The following CHFR variants were observed in gnomAD, a reference collection of about 807,000 sequenced individuals.
CHFR encodes checkpoint with forkhead and ring finger domains.
A neutral mutation model predicts 87.6 loss-of-function variants in CHFR; 57 were observed. The ratio of observed to expected loss-of-function variants is 0.65; its 90% CI spans 0.53 to 0.81. The LOEUF (loss-of-function observed/expected upper bound fraction) is 0.81, where lower values mean the gene tolerates loss of function less well. CHFR is among the 30% of genes least tolerant of loss of function. The pLI is 0.00. For missense variants in CHFR, 797 were observed against 865.8 expected (o/e 0.92, Z 1.00); for synonymous variants, 381 against 359.2 (o/e 1.06, Z -0.69).
rs775769340 is a variant in CHFR, at chr12:132,844,057, G to A, written c.1813C>T (p.Arg605Trp). 1.5e-5 allele frequency: 24 copies of A among 1,613,438 alleles called. No homozygotes were observed. The highest frequency in any genetic ancestry group is 1.6e-4 in the Middle Eastern group (1 of 6,082). The change falls in exon 16 of 18, where the codon CGG (arginine) becomes TGG (tryptophan). Residue 605 changes from arginine (R) to tryptophan (W), a missense_variant. Physicochemically the swap from Arg to Trp is moderately radical, Grantham distance 101. Around this residue, in one of 2 missense-constraint regions of CHFR, gnomAD observed 200 missense variants for 264.6 expected, o/e 0.76. Transcript: ENST00000450056. ...RSFRELTYQY[R>W]QNIPASELPV... ...AACTCGGAAGCAGGAATGTTCTGCCGATACTGATAGGTCAGCTCACGGAAG... is the reference window on the plus strand; with the variant it reads ...AACTCGGAAGCAGGAATGTTCTGCCAATACTGATAGGTCAGCTCACGGAAG...
intron 6 of CHFR, chr12:132,866,594 A>G (rs1487566148): frequency 1.2e-5 from 1 of 83,564 alleles, no homozygotes; most frequent in African/African-American, 3.9e-5. Context: ...ACACACCAGA[A>G]AGTTACAACA....
intron 7 of CHFR, among the ~76,000 whole-genome samples, chr12:132,859,592 C>T (rs984772944): frequency 6.6e-6 from 1 of 152,122 alleles, no homozygotes; most frequent in African/African-American, 2.4e-5. Context: ...CCTCGTGATC[C>T]ACCCGCCTCG....
Position 132,834,018 on chromosome 12 carries a change from G to C in CHFR, c.*7536C>G, listed in dbSNP as rs1281256416. On this transcript the variant is annotated 3_prime_UTR_variant, in exon 18 of 18. Transcript: ENST00000450056. ...CAGTGAGGTGAGGGGGCAACAATCAGAGCCACAAGAAGCCCCTGAAGAGAA... is the reference window on the plus strand; with the variant it reads ...CAGTGAGGTGAGGGGGCAACAATCACAGCCACAAGAAGCCCCTGAAGAGAA... The C allele has an allele frequency of 6.6e-6, 1 of 152,372 alleles. No homozygotes were observed. Among genetic ancestry groups the C allele is most frequent in the Non-Finnish European group, 1.5e-5 (1 of 68,204 alleles). 9.4% of individuals were successfully genotyped at this position (152,372 alleles called of 1,614,324 possible).
At position 132,844,036 on chromosome 12, in the gene CHFR, C is replaced by T. The variant is rs777155485; in HGVS notation, c.1834G>A (p.Glu612Lys). 1.9e-6 allele frequency: 3 copies of T among 1,612,226 alleles called. No homozygotes were observed. The highest frequency in any genetic ancestry group is 2.2e-5 in the East Asian group (1 of 44,862). The part of the protein sequence containing the change: ...YQYRQNIPAS[E>K]LPVAVTSRPD... ...GTCGGGGGCTCCTTACCTGGCAACT[C>T]GGAAGCAGGAATGTTCTGCCGATAC... Residue 612 changes from glutamate to lysine, a missense_variant, in exon 16 of 18, where the codon GAG becomes AAG. Glu to Lys is a moderately conservative substitution (Grantham distance 56, BLOSUM62 1). Transcript: ENST00000450056.
chr12:132,853,372 C>A, intron 11 of CHFR, 59 bp downstream of exon 11: 1 of 1,423,668 alleles, frequency 7.0e-7, no homozygotes, highest in Non-Finnish European at 9.1e-7. Flanking sequence ...ACGTCAGCAC[C>A]GGGCACAGCC....
At chr12:132,883,865 C>A (rs193277226) in intron 2 of CHFR, among the ~76,000 whole-genome samples, 1 of 152,320 alleles carries the variant, frequency 6.6e-6, no homozygotes, top group Admixed American at 6.5e-5. Context: ...GTAATCCCAA[C>A]GCTTTGGGAG....
chr12:132,856,796 G>A, intron 9 of CHFR, 166 bp from the exon 10 acceptor site: 1 of 812,620 alleles, frequency 1.2e-6, no homozygotes, highest in Non-Finnish European at 2.1e-6. Flanking sequence ...CACGTGCCCA[G>A]GTGCTGGTGT....
In CHFR at chr12:132,832,972, A is replaced by C. The variant is rs902424970; in HGVS notation, c.*8582T>G. The stretch of plus-strand genomic sequence containing the variant: ...GTCTTTATGAATGTGCCTCTTCTGG[A>C]CATTTCATAGAAATGGGATCATATC... On this transcript the variant is annotated 3_prime_UTR_variant, in exon 18 of 18. Coordinates refer to ENST00000450056, the MANE Select transcript of CHFR (RefSeq NM_001161346.2). 6.6e-6 allele frequency: 1 copy of C among 152,160 alleles called. No homozygotes were observed. Among genetic ancestry groups the C allele is most frequent in the Non-Finnish European group, 1.5e-5 (1 of 68,026 alleles). The allele number at this position is 152,160 out of a possible 1,614,324, so 9.4% of individuals were successfully genotyped here.
intron 8 of CHFR, among the ~76,000 whole-genome samples, chr12:132,858,829 A>T (rs1443267641): frequency 6.8e-6 from 1 of 147,978 alleles, no homozygotes; most frequent in Non-Finnish European, 1.5e-5. Flanking sequence ...CTGTAGTCCC[A>T]GCAACTCAGA....
At chr12:132,864,176 G>GAAA (rs11376353) in intron 6 of CHFR, among the ~76,000 whole-genome samples, 1 of 143,590 alleles carries the variant, frequency 7.0e-6, no homozygotes, top group Non-Finnish European at 1.5e-5. Flanking sequence ...GTTATTATTT[G>GAAA]AAAAAAAAAA....
At chr12:132,868,634 C>G (rs112381475) in intron 6 of CHFR, among the ~76,000 whole-genome samples, 1 of 152,248 alleles carries the variant, frequency 6.6e-6, no homozygotes. Flanking sequence ...GAGCCGAGAT[C>G]GCACCACTGC....
At chr12:132,877,947 C>T (rs966974779) in intron 2 of CHFR, among the ~76,000 whole-genome samples, 9 of 152,166 alleles carry the variant, frequency 5.9e-5, no homozygotes, top group African/African-American at 9.7e-5. Context: ...GGACTGCAGG[C>T]GCCCGCCATC....
At chr12:132,879,003 TTG>T (rs1951701903) in intron 2 of CHFR, among the ~76,000 whole-genome samples, 1 of 107,396 alleles carries the variant, frequency 9.3e-6, no homozygotes, top group Non-Finnish European at 2.1e-5. Flanking sequence ...TTTTTTGTTT[TTG>T]TTTGTTTTTT....
chr12:132,870,052 T>TAC (rs1951449293), intron 5 of CHFR, among the ~76,000 whole-genome samples: 1 of 151,842 alleles, frequency 6.6e-6, no homozygotes. Flanking sequence ...CTACTAAAAA[T>TAC]ATAAAAATTA....
Position 132,841,029 on chromosome 12 carries a change from T to C in CHFR, c.*525A>G, listed in dbSNP as rs1258077252. The C allele has an allele frequency of 6.5e-6, 1 of 152,918 alleles. No homozygotes were observed. The highest frequency in any genetic ancestry group is 1.5e-5 in the Non-Finnish European group (1 of 68,244). 9.5% of individuals were successfully genotyped at this position (152,918 alleles called of 1,614,324 possible). On this transcript the variant is annotated 3_prime_UTR_variant, in exon 18 of 18. Coordinates refer to ENST00000450056, the MANE Select transcript of CHFR (RefSeq NM_001161346.2). Reference sequence around the variant, plus strand: ...ATTATTTGTGCTACAGTTTGTGACATTTAAATCTTATTAGAAGATAAGCAC... The same window carrying C: ...ATTATTTGTGCTACAGTTTGTGACACTTAAATCTTATTAGAAGATAAGCAC...
At position 132,878,831 on chromosome 12, in the gene CHFR, AAG is replaced by A. The variant is rs1284048785; in HGVS notation, c.134-1179_134-1178del. On this transcript the variant is annotated intron_variant, in intron 2 of 17. Transcript: ENST00000450056. ...CAAGACTCTGTCTCAAAAAAAAAAAAAGAAAAAAAAAAACTCAGGGGCTTAAG... is the reference window on the plus strand; with the variant it reads ...CAAGACTCTGTCTCAAAAAAAAAAAAAAAAAAAAAAACTCAGGGGCTTAAG... 2.0e-4 allele frequency among the ~76,000 whole-genome samples: 29 copies of A among 143,124 alleles called. 2 individuals are homozygous for A. Among genetic ancestry groups the A allele is most frequent in the Admixed American group, 4.1e-4 (6 of 14,462 alleles). The allele number at this position is 143,124 out of a possible 152,430, so 93.9% of individuals were successfully genotyped here. A position where few individuals can be genotyped will look rare whatever the true frequency, so the allele number is the denominator to read the frequency against.
Position 132,840,864 on chromosome 12 carries a change from C to T in CHFR, c.*690G>A, listed in dbSNP as rs753996875. On this transcript the variant is annotated 3_prime_UTR_variant, in exon 18 of 18. Transcript: ENST00000450056. ...CGGTCACTCACCGGTTAGCAAGGAGCGACTAACTTGGCGGCCACGTCGAGG... is the reference window on the plus strand; with the variant it reads ...CGGTCACTCACCGGTTAGCAAGGAGTGACTAACTTGGCGGCCACGTCGAGG... The T allele has an allele frequency of 1.3e-5, 2 of 152,080 alleles. No homozygotes were observed. The highest frequency in any genetic ancestry group is 2.4e-5 in the African/African-American group (1 of 41,424). The allele number at this position is 152,080 out of a possible 1,614,324, so 9.4% of individuals were successfully genotyped here. A position where few individuals can be genotyped will look rare whatever the true frequency, so the allele number is the denominator to read the frequency against.
intron 8 of CHFR, among the ~76,000 whole-genome samples, chr12:132,858,834 C>T (rs1951145592): frequency 7.1e-6 from 1 of 141,018 alleles, no homozygotes; most frequent in African/African-American, 2.7e-5. Flanking sequence ...GTCCCAGCAA[C>T]TCAGAAGGCT....
In CHFR at chr12:132,887,587, C is replaced by CGCT. The variant is rs1951933544; in HGVS notation, c.-56_-54dup. On this transcript the variant is annotated 5_prime_UTR_variant, in exon 1 of 18. Coordinates refer to ENST00000450056, the MANE Select transcript of CHFR (RefSeq NM_001161346.2). ...AACCCGGAACCGGCTGCGCCGCCGC[C>CGCT]GCTGTCAAGAGACATTGCGGCTCCC... 6.5e-6 allele frequency: 1 copy of CGCT among 153,682 alleles called. No homozygotes were observed. Among genetic ancestry groups the CGCT allele is most frequent in the Non-Finnish European group, 1.4e-5 (1 of 69,176 alleles). 9.5% of individuals were successfully genotyped at this position (153,682 alleles called of 1,614,324 possible). A position where few individuals can be genotyped will look rare whatever the true frequency, so the allele number is the denominator to read the frequency against.
Sources: allele counts gnomAD v4.1 joint callset (sites outside exome capture counted in the v4.1 genomes callset), GRCh38; gene constraint gnomAD v4.1.1; regional missense constraint gnomAD v4.1.1; transcripts MANE v1.5; gene names NCBI Gene and HGNC (gene_info 2026-07-23, HGNC 2026-07-21).